Variants in BICC1 observed in about 807,000 individuals in gnomAD.
The protein encoded by BICC1 is BicC family RNA binding protein 1, also known as protein bicaudal C homolog 1.
Under a neutral mutation model 111.0 loss-of-function variants are expected in BICC1, and 43 were observed. That is an observed-to-expected ratio of 0.39 (90% CI 0.30 to 0.50). The LOEUF (loss-of-function observed/expected upper bound fraction) is 0.50, where lower values mean the gene tolerates loss of function less well. Among genes scored for constraint, BICC1 ranks in the 20% least tolerant of loss-of-function variants. The pLI, the probability that BICC1 is intolerant of heterozygous loss-of-function variation, is 0.88. For missense variants in BICC1, 1,091 were observed against 1,203.2 expected (o/e 0.91, Z 1.38); for synonymous variants, 467 against 434.4 (o/e 1.07, Z -0.93).
At chr10:58,607,191 C>T (rs1845248744) in intron 1 of BICC1, among the ~76,000 whole-genome samples, 1 of 151,930 alleles carries the variant, frequency 6.6e-6, no homozygotes. Flanking sequence ...TGGTGCATGC[C>T]TGTAATCCCA....
intron 2 of BICC1, among the ~76,000 whole-genome samples, chr10:58,621,526 G>A (rs1014924558): frequency 5.1e-4 from 77 of 152,134 alleles, no homozygotes; most frequent in Non-Finnish European, 8.8e-4. Flanking sequence ...AAGAGAAGAC[G>A]AATAGGCTGG....
chr10:58,620,817 T>G (rs1434476429), intron 1 of BICC1, 38 bp from the exon 2 acceptor site: 1 of 1,599,188 alleles, frequency 6.3e-7, no homozygotes, highest in Non-Finnish European at 8.5e-7. Flanking sequence ...ATGCATACAT[T>G]GAAAAAGTAT....
intron 1 of BICC1, among the ~76,000 whole-genome samples, chr10:58,586,033 C>T (rs1844417405): frequency 6.6e-6 from 1 of 152,148 alleles, no homozygotes; most frequent in Non-Finnish European, 1.5e-5. Flanking sequence ...GAGACACTCT[C>T]ACCTTATTAT....
At chr10:58,561,379 G>T (rs1435495982) in intron 1 of BICC1, among the ~76,000 whole-genome samples, 1 of 150,794 alleles carries the variant, frequency 6.6e-6, no homozygotes, top group Non-Finnish European at 1.5e-5. Context: ...ATTTAGTTTT[G>T]GTTTCTCTTT....
intron 3 of BICC1, among the ~76,000 whole-genome samples, chr10:58,774,757 A>T (rs1020532540): frequency 7.9e-5 from 12 of 152,342 alleles, no homozygotes; most frequent in Non-Finnish European, 1.6e-4. Context: ...CTTGGGCTTG[A>T]AATTTTGAAG....
chr10:58,572,174 AT>A (rs970664302), intron 1 of BICC1, among the ~76,000 whole-genome samples: 32 of 151,082 alleles, frequency 2.1e-4, no homozygotes, highest in African/African-American at 5.8e-4. Flanking sequence ...TTTAAGTGGG[AT>A]TTTTTTTTCT....
intron 3 of BICC1, among the ~76,000 whole-genome samples, chr10:58,761,271 G>T (rs1218239732): frequency 6.6e-6 from 1 of 152,204 alleles, no homozygotes; most frequent in Non-Finnish European, 1.5e-5. Context: ...AAGGAGCCGA[G>T]TGCGGCTGGA....
chr10:58,552,402 C>A (rs1199434870), intron 1 of BICC1, among the ~76,000 whole-genome samples: 1 of 151,972 alleles, frequency 6.6e-6, no homozygotes, highest in African/African-American at 2.4e-5. Context: ...GTGGTGTGAT[C>A]TTGGCTCACT....
intron 1 of BICC1, among the ~76,000 whole-genome samples, chr10:58,611,844 T>G (rs1422416851): frequency 1.3e-5 from 2 of 152,060 alleles, no homozygotes; most frequent in Non-Finnish European, 2.9e-5. Flanking sequence ...TTTTTGACCA[T>G]GGGAATTTAA....
At chr10:58,598,633 C>T (rs1446226909) in intron 1 of BICC1, among the ~76,000 whole-genome samples, 1 of 152,078 alleles carries the variant, frequency 6.6e-6, no homozygotes, top group Non-Finnish European at 1.5e-5. Flanking sequence ...AAAGCGATGG[C>T]AACAAAAGCC....
chr10:58,803,206 C>A lies in BICC1; in HGVS notation c.2145C>A (p.Ala715=), dbSNP rs1843606725. The change falls in exon 15 of 21, where the codon GCC becomes GCA. Residue 715 remains alanine (A), a synonymous_variant. Transcript: ENST00000373886. The part of the protein sequence containing the change: ...AAAAQQNSER[A]HLAPRSSYVN... ...CTGCCCAGCAAAACTCCGAAAGGGC[C>A]CACCTTGCTCCACGGTCATCATATG... The A allele has an allele frequency of 6.2e-7, 1 of 1,607,210 alleles. No individual in the cohort carries two copies. Among genetic ancestry groups the A allele is most frequent in the Non-Finnish European group, 8.5e-7 (1 of 1,176,726 alleles).
chr10:58,520,368 A>G (rs1484320691), intron 1 of BICC1, among the ~76,000 whole-genome samples: 1 of 152,126 alleles, frequency 6.6e-6, no homozygotes, highest in Non-Finnish European at 1.5e-5. Context: ...TCAATGTCTA[A>G]TCCTTATCGT....
intron 2 of BICC1, among the ~76,000 whole-genome samples, chr10:58,659,749 T>C (rs1166466346): frequency 6.6e-6 from 1 of 152,092 alleles, no homozygotes; most frequent in African/African-American, 2.4e-5. Context: ...CTGGGAAAAT[T>C]TTATGTCAAG....
At chr10:58,575,128 A>G (rs562060045) in intron 1 of BICC1, among the ~76,000 whole-genome samples, 2 of 151,894 alleles carry the variant, frequency 1.3e-5, no homozygotes, top group South Asian at 2.1e-4. Flanking sequence ...CTCATCATCT[A>G]GGTTTTAAGC....
At chr10:58,791,196 A>G (rs1843164845) in intron 8 of BICC1, among the ~76,000 whole-genome samples, 1 of 152,170 alleles carries the variant, frequency 6.6e-6, no homozygotes, top group South Asian at 2.1e-4. Context: ...ATTTATATTT[A>G]TATCCAAGAA....
chr10:58,577,701 G>C (rs1463121983), intron 1 of BICC1, among the ~76,000 whole-genome samples: 1 of 152,158 alleles, frequency 6.6e-6, no homozygotes, highest in Non-Finnish European at 1.5e-5. Context: ...TTCTGAAGCT[G>C]CTTTGAGTTT....
chr10:58,574,690 G>T (rs536978140), intron 1 of BICC1, among the ~76,000 whole-genome samples: 1 of 152,138 alleles, frequency 6.6e-6, no homozygotes, highest in African/African-American at 2.4e-5. Context: ...CAGTTAAATT[G>T]AGACAATTTT....
At chr10:58,619,112 A>G (rs1045965892) in intron 1 of BICC1, among the ~76,000 whole-genome samples, 3 of 152,192 alleles carry the variant, frequency 2.0e-5, no homozygotes, top group Non-Finnish European at 2.9e-5. Context: ...GGCTAATTCA[A>G]TATAATCTTC....
intron 1 of BICC1, among the ~76,000 whole-genome samples, chr10:58,602,695 G>A (rs1203891888): frequency 6.6e-6 from 1 of 152,192 alleles, no homozygotes; most frequent in East Asian, 1.9e-4. Flanking sequence ...GCAAATTGCT[G>A]AGTTTAAGAA....
Sources: gnomAD v4.1 joint callset for allele counts (sites outside exome capture counted in the v4.1 genomes callset) on GRCh38, gnomAD v4.1.1 for gene constraint, MANE v1.5 for transcripts, NCBI Gene and HGNC (gene_info 2026-07-23, HGNC 2026-07-21) for gene names.